Variants in PSG11 observed in about 807,000 individuals in gnomAD.
PSG11 encodes the protein pregnancy-specific beta-1-glycoprotein 11.
Under a neutral mutation model 36.0 loss-of-function variants are expected in PSG11, and 42 were observed. That is an observed-to-expected ratio of 1.17 (90% CI 0.91 to 1.51). The LOEUF is 1.51. Ranked by LOEUF, PSG11 falls within the 40% of genes most tolerant of loss-of-function variation. The probability of loss-of-function intolerance (pLI) is 0.00; values close to 1 mark genes in which losing one functional copy is unlikely to be tolerated. For missense variants in PSG11, 558 were observed against 403.5 expected (o/e 1.38, Z -3.28); for synonymous variants, 206 against 153.5 (o/e 1.34, Z -2.53).
rs902810328 is a variant in PSG11, at chr19:43,013,607, C to T, written c.964+1509G>A. ...TGGTTTTGATAAACAATAACAATGA[C>T]AGCAACACAAAACAACAGGTGTTTT... is the stretch of plus-strand genomic sequence containing the variant. On this transcript the variant is annotated intron_variant, in intron 4 of 5. Coordinates refer to ENST00000320078, the MANE Select transcript of PSG11 (RefSeq NM_002785.3). Among the ~76,000 whole-genome samples, 72 of 151,450 alleles carry T rather than the reference C, an allele frequency of 4.8e-4. 1 individual carries two copies. Among genetic ancestry groups the T allele is most frequent in the African/African-American group, 1.7e-3 (69 of 41,120 alleles).
At chr19:43,011,869 C>G (rs545933197) in intron 4 of PSG11, among the ~76,000 whole-genome samples, 2 of 148,426 alleles carry the variant, frequency 1.3e-5, no homozygotes, top group South Asian at 2.2e-4. Context: ...CCATCCTGGG[C>G]TGGCCTACAG....
At chr19:43,011,028 C>A (rs1420423771) in intron 4 of PSG11, among the ~76,000 whole-genome samples, 1 of 150,710 alleles carries the variant, frequency 6.6e-6, no homozygotes, top group Non-Finnish European at 1.5e-5. Flanking sequence ...GACATTATTT[C>A]CATTTTGCCA....
At chr19:43,015,947 C>A (rs781781118) in intron 3 of PSG11, 9 of 1,610,098 alleles carry the variant, frequency 5.6e-6, no homozygotes, top group Non-Finnish European at 7.6e-6. Flanking sequence ...CAAATGTAGG[C>A]ATAGTTCTCA....
At chr19:43,021,227 C>T (rs1263907708) in intron 2 of PSG11, among the ~76,000 whole-genome samples, 2 of 151,162 alleles carry the variant, frequency 1.3e-5, no homozygotes, top group African/African-American at 4.9e-5. Flanking sequence ...ACTTTTTTTC[C>T]CTACTCTTTT....
intron 2 of PSG11, chr19:43,019,753 G>A: frequency 6.6e-6 from 1 of 152,310 alleles, no homozygotes; most frequent in Non-Finnish European, 1.5e-5. Context: ...TGATAGCTTT[G>A]AACCAAGACC....
chr19:43,014,687 C>T (rs2122796573), intron 4 of PSG11: 1 of 1,188,764 alleles, frequency 8.4e-7, no homozygotes, highest in African/African-American at 1.6e-5. Flanking sequence ...GGGGCTTCCT[C>T]CTCTCATTTG....
intron 1 of PSG11, chr19:43,025,420 C>T (rs958051723): frequency 4.0e-6 from 1 of 250,314 alleles, no homozygotes; most frequent in Non-Finnish European, 7.6e-6. Context: ...CTGACACCTC[C>T]TTCAGGGACT....
At chr19:43,015,093 C>A (rs1407990961) in intron 4 of PSG11, 23 bp downstream of exon 4, 2 of 1,611,436 alleles carry the variant, frequency 1.2e-6, no homozygotes, top group Non-Finnish European at 1.7e-6. Context: ...ACCCTATTGC[C>A]AAGGATGCTG....
intron 4 of PSG11, 102 bp downstream of exon 4, chr19:43,015,014 T>C: frequency 6.2e-7 from 1 of 1,600,390 alleles, no homozygotes; most frequent in Non-Finnish European, 8.5e-7. Flanking sequence ...CCTGTGCCCA[T>C]GGGACACAGG....
At chr19:43,024,577 T>G (rs12610793) in intron 2 of PSG11, 114 bp downstream of exon 2, 760,743 of 1,569,566 alleles carry the variant, frequency 0.48, 200,180 homozygotes, top group East Asian at 1. Context: ...AACCCCAGCA[T>G]GGGACATAAT....
At chr19:43,025,185 A>G (rs1054243461) in intron 1 of PSG11, 129 bp from the exon 2 acceptor site, 2 of 1,362,706 alleles carry the variant, frequency 1.5e-6, no homozygotes, top group Admixed American at 4.5e-5. Context: ...ACACACACAC[A>G]TACAAACATA....
At chr19:43,018,361 C>G (rs1967017093) in intron 3 of PSG11, 1 of 344,480 alleles carries the variant, frequency 2.9e-6, no homozygotes, top group Admixed American at 3.5e-5. Context: ...GTGAGGGCAT[C>G]CAGGCCATCT....
chr19:43,025,598 A>G (rs1377788547), intron 1 of PSG11, among the ~76,000 whole-genome samples: 5 of 150,502 alleles, frequency 3.3e-5, no homozygotes, highest in South Asian at 2.1e-4. Context: ...CAGTGCCTGG[A>G]ACAGGCTGCA....
chr19:43,018,774 G>C lies in PSG11; in HGVS notation c.705C>G (p.Leu235=). The C allele has an allele frequency of 1.2e-6, 2 of 1,612,116 alleles. 1 individual carries two copies. Among genetic ancestry groups the C allele is most frequent in the South Asian group, 2.2e-5 (2 of 90,852 alleles). ...AGAGGAACAGAAGATACTCACGGAG[G>C]AGATTCAGGGTGACTGGGTCACTGC... ...ASRSDPVTLN[L]LHGPDLPRIF... The change falls in exon 3 of 6, where the codon CTC becomes CTG. Residue 235 remains leucine (L), a synonymous_variant. Transcript: ENST00000320078.
chr19:43,024,563 C>G (rs1428546610), intron 2 of PSG11, 128 bp downstream of exon 2: 1 of 1,542,936 alleles, frequency 6.5e-7, no homozygotes, highest in Non-Finnish European at 8.9e-7. Context: ...GCACTAAATG[C>G]CCAAACCCCA....
intron 3 of PSG11, among the ~76,000 whole-genome samples, chr19:43,016,206 G>A (rs1219622033): frequency 1.3e-5 from 2 of 151,312 alleles, no homozygotes; most frequent in African/African-American, 2.4e-5. Flanking sequence ...GATGATCTAA[G>A]GGCTCAAAGA....
intron 1 of PSG11, among the ~76,000 whole-genome samples, chr19:43,026,014 T>A (rs1262373838): frequency 7.5e-6 from 1 of 132,652 alleles, no homozygotes; most frequent in Non-Finnish European, 1.6e-5. Context: ...CTATCTCAGC[T>A]CACTGCAACT....
chr19:43,022,579 A>C (rs4029163), intron 2 of PSG11, among the ~76,000 whole-genome samples: 77,807 of 150,678 alleles, frequency 0.52, 21,647 homozygotes, highest in East Asian at 0.99. Context: ...TTCTTTACTA[A>C]AAATCACCAT....
chr19:43,016,533 C>G (rs1402699278), intron 3 of PSG11, among the ~76,000 whole-genome samples: 2 of 151,368 alleles, frequency 1.3e-5, no homozygotes, highest in Admixed American at 6.6e-5. Context: ...AGATACTGAG[C>G]AGCCTGGCCT....
Sources: allele counts gnomAD v4.1 joint callset (sites outside exome capture counted in the v4.1 genomes callset), GRCh38; gene constraint gnomAD v4.1.1; transcripts MANE v1.5; gene names NCBI Gene and HGNC (gene_info 2026-07-23, HGNC 2026-07-21).